PHF24: variants seen among roughly 807,000 people sequenced by gnomAD.
PHF24 encodes the protein PHD finger protein 24, also known as Galpha inhibitory interacting protein.
In PHF24, 25 loss-of-function variants were observed where a neutral mutation model predicts 42.6. That is an observed-to-expected ratio of 0.59 (90% CI 0.43 to 0.82). PHF24 has a LOEUF of 0.82. Ranked by LOEUF, PHF24 falls within the 40% of genes least tolerant of loss-of-function variation. The pLI, the probability that PHF24 is intolerant of heterozygous loss-of-function variation, is 0.00. For synonymous variants in PHF24, 185 were observed against 204.8 expected (o/e 0.90, Z 0.83); for missense variants, 470 against 538.1 (o/e 0.87, Z 1.25).
chr9:34,852,155 G>A, the PHF24 span, among the ~76,000 whole-genome samples: 4 of 152,126 alleles, frequency 2.6e-5, no homozygotes, highest in Admixed American at 2.6e-4. Flanking sequence ...AATAGTAAAT[G>A]TATTTTCTCT....
chr9:34,901,055 CATTTAAAGAAATTGCATTTGTA>C, the PHF24 span, among the ~76,000 whole-genome samples: 3 of 152,162 alleles, frequency 2.0e-5, no homozygotes, highest in Non-Finnish European at 1.5e-5. Context: ...GCCTTATATC[CATTTAAAGAAATTGCATTTGTA>C]GTTTAAATCT....
At chr9:34,735,034 A>G in the PHF24 span, among the ~76,000 whole-genome samples, 1 of 152,128 alleles carries the variant, frequency 6.6e-6, no homozygotes, top group Admixed American at 6.5e-5. Context: ...AATCTCCCAT[A>G]CTAAAGTCCT....
the PHF24 span, among the ~76,000 whole-genome samples, chr9:34,915,054 A>G: frequency 1.1e-5 from 1 of 88,586 alleles, no homozygotes; most frequent in Non-Finnish European, 2.2e-5. Context: ...TTTTTTTGAG[A>G]CAGGGTTTTA....
the PHF24 span, among the ~76,000 whole-genome samples, chr9:34,697,352 C>T: frequency 2.0e-5 from 3 of 152,164 alleles, no homozygotes; most frequent in Middle Eastern, 3.4e-3. Context: ...TGGAGTCTTG[C>T]TCTGTCACCC....
At chr9:34,674,144 A>G in the PHF24 span, among the ~76,000 whole-genome samples, 1 of 152,248 alleles carries the variant, frequency 6.6e-6, no homozygotes, top group Non-Finnish European at 1.5e-5. Context: ...AAAAGCCCTC[A>G]GTAAAAATGA....
the PHF24 span, among the ~76,000 whole-genome samples, chr9:34,727,485 G>A: frequency 4.6e-5 from 7 of 152,206 alleles, no homozygotes; most frequent in East Asian, 9.6e-4. Context: ...GCATCTCTTC[G>A]GAACCAGTCC....
the PHF24 span, among the ~76,000 whole-genome samples, chr9:34,844,003 T>G: frequency 1.2e-4 from 18 of 152,338 alleles, no homozygotes; most frequent in Non-Finnish European, 2.5e-4. Flanking sequence ...AGATTTTCTA[T>G]TTCTTCATGA....
At chr9:34,917,609 C>G in the PHF24 span, 1 of 775,992 alleles carries the variant, frequency 1.3e-6, no homozygotes, top group Non-Finnish European at 2.4e-6. Flanking sequence ...GACAAATGGC[C>G]ACCCCTTTGG....
chr9:34,809,860 C>G, the PHF24 span, among the ~76,000 whole-genome samples: 10 of 152,060 alleles, frequency 6.6e-5, no homozygotes, highest in African/African-American at 2.2e-4. This position sits in a 1 kb window ranked among gnomAD's most constrained non-coding sequence, Gnocchi z 4.1. Flanking sequence ...CCATGGAACC[C>G]CACTTCCGCG....
chr9:34,846,922 T>G, the PHF24 span, among the ~76,000 whole-genome samples: 1 of 152,174 alleles, frequency 6.6e-6, no homozygotes. Context: ...ATATGCGGCA[T>G]TATTTCTGAG....
chr9:34,965,741 G>A (rs926336307), intron 1 of PHF24, among the ~76,000 whole-genome samples: 14 of 152,206 alleles, frequency 9.2e-5, no homozygotes, highest in Non-Finnish European at 1.3e-4. Flanking sequence ...ATGATTCTCT[G>A]TTAATGAGTA....
chr9:34,786,315 T>C, the PHF24 span, among the ~76,000 whole-genome samples: 1 of 152,242 alleles, frequency 6.6e-6, no homozygotes, highest in African/African-American at 2.4e-5. Context: ...AATTCTCTAC[T>C]ATAAATATTC....
At chr9:34,838,948 G>T in the PHF24 span, among the ~76,000 whole-genome samples, 1 of 152,180 alleles carries the variant, frequency 6.6e-6, no homozygotes, top group African/African-American at 2.4e-5. Context: ...AAGAATTTAG[G>T]GAGGGCAGAG....
the PHF24 span, chr9:34,833,072 C>A: frequency 2.0e-6 from 3 of 1,525,940 alleles, no homozygotes; most frequent in African/African-American, 1.7e-5. Context: ...TTCAGCAGGG[C>A]GTCTCTCTTC....
At chr9:34,941,438 T>A in the PHF24 span, among the ~76,000 whole-genome samples, 1 of 152,146 alleles carries the variant, frequency 6.6e-6, no homozygotes, top group Non-Finnish European at 1.5e-5. Flanking sequence ...AGGCATTCCA[T>A]AAGCCCCTGA....
At chr9:34,675,662 G>A in the PHF24 span, among the ~76,000 whole-genome samples, 4 of 152,092 alleles carry the variant, frequency 2.6e-5, no homozygotes, top group African/African-American at 7.2e-5. Context: ...TTGAAATAAC[G>A]CCACTGCCAG....
chr9:34,893,542 A>T, the PHF24 span, among the ~76,000 whole-genome samples: 3 of 151,958 alleles, frequency 2.0e-5, no homozygotes, highest in Non-Finnish European at 2.9e-5. Flanking sequence ...CGGAGCTTGC[A>T]GTGAGCCGAG....
chr9:34,780,285 T>C, the PHF24 span, among the ~76,000 whole-genome samples: 1 of 126,442 alleles, frequency 7.9e-6, no homozygotes, highest in Admixed American at 9.4e-5. Flanking sequence ...TTCTTTCTTT[T>C]TTTTCTTTTT....
the PHF24 span, among the ~76,000 whole-genome samples, chr9:34,844,998 G>T: frequency 6.6e-6 from 1 of 151,944 alleles, no homozygotes; most frequent in Non-Finnish European, 1.5e-5. Flanking sequence ...ATATTTAGGT[G>T]CTCCAATATT....
Sources: gnomAD v4.1 joint callset for allele counts (sites outside exome capture counted in the v4.1 genomes callset) on GRCh38, gnomAD v4.1.1 for gene constraint, Gnocchi (gnomAD v3.1) non-coding constraint, MANE v1.5 for transcripts, NCBI Gene and HGNC (gene_info 2026-07-23, HGNC 2026-07-21) for gene names.